DNAH9: variants seen among roughly 807,000 people sequenced by gnomAD.
DNAH9 encodes dynein axonemal heavy chain 9.
In DNAH9, 345 loss-of-function variants were observed where a neutral mutation model predicts 471.6. The observed-to-expected ratio is 0.73, with a 90% CI of 0.67 to 0.80. DNAH9 has a LOEUF of 0.80. DNAH9 is among the 30% of genes least tolerant of loss of function. DNAH9 has a pLI of 0.00. For missense variants in DNAH9, 5,407 were observed against 5,609.2 expected, an observed-to-expected ratio of 0.96 and a Z score of 1.15; for synonymous variants, 2,093 against 2,123.6, an observed-to-expected ratio of 0.99 and a Z score of 0.40.
In DNAH9 at chr17:11,784,278, C is replaced by T. The variant is rs768263453; in HGVS notation, c.7822-22C>T. On this transcript the variant is annotated intron_variant, in intron 40 of 68. Coordinates refer to ENST00000262442, the MANE Select transcript of DNAH9 (RefSeq NM_001372.4). Reference sequence around the variant, plus strand: ...ACTCCGTGGTAACGGATGTTGAGCTCATGCCTTTGTTTCCTGTACAGCGTC... The same window carrying T: ...ACTCCGTGGTAACGGATGTTGAGCTTATGCCTTTGTTTCCTGTACAGCGTC... The T allele has an allele frequency of 1.8e-5, 29 of 1,611,796 alleles. 1 individual carries two copies. The South Asian group carries it at 3.1e-4, about 17-fold the overall frequency.
intron 48 of DNAH9, among the ~76,000 whole-genome samples, chr17:11,827,755 G>A (rs756533306): frequency 1.3e-5 from 2 of 151,252 alleles, no homozygotes; most frequent in African/African-American, 2.4e-5. Context: ...GCACAATCTC[G>A]GCTCACCGCA....
At chr17:11,785,163 G>A (rs778008291) in intron 41 of DNAH9, among the ~76,000 whole-genome samples, 1 of 151,954 alleles carries the variant, frequency 6.6e-6, no homozygotes, top group Non-Finnish European at 1.5e-5. Context: ...TCTCCAGAGG[G>A]CCATCTAGCA....
intron 6 of DNAH9, chr17:11,619,987 G>A (rs1226344475): frequency 1.6e-5 from 9 of 558,218 alleles, no homozygotes; most frequent in East Asian, 3.0e-5. Context: ...AAGGTGGGTG[G>A]ATTGCTTGAG....
chr17:11,793,457 C>G, intron 41 of DNAH9, 46 bp from the exon 42 acceptor site: 10 of 1,575,562 alleles, frequency 6.3e-6, no homozygotes, highest in Non-Finnish European at 8.6e-6. Context: ...TATTGTACCT[C>G]TGGATGGTTA....
At chr17:11,731,414 AT>A (rs2075267674) in intron 28 of DNAH9, among the ~76,000 whole-genome samples, 1 of 149,426 alleles carries the variant, frequency 6.7e-6, no homozygotes, top group African/African-American at 2.5e-5. Flanking sequence ...TTTTTAAATT[AT>A]ACTTTAAGTT....
intron 42 of DNAH9, among the ~76,000 whole-genome samples, chr17:11,795,008 G>T (rs991398790): frequency 4.0e-5 from 6 of 151,898 alleles, no homozygotes; most frequent in African/African-American, 1.5e-4. Flanking sequence ...CACCAACATG[G>T]CACATGTATA....
intron 11 of DNAH9, 67 bp from the exon 12 acceptor site, chr17:11,647,005 A>G (rs1433024530): frequency 5.7e-6 from 9 of 1,567,382 alleles, no homozygotes; most frequent in Non-Finnish European, 7.9e-6. Context: ...TATGTTACAG[A>G]TCATGACCAG....
Position 11,719,504 on chromosome 17 carries a change from C to G in DNAH9, c.5709+14C>G. Reference sequence around the variant, plus strand: ...ATGGATTACAAGGTACAGTTCCACCCGGCTTCCTGGGGGTGGGGGTGGGGG... The same window carrying G: ...ATGGATTACAAGGTACAGTTCCACCGGGCTTCCTGGGGGTGGGGGTGGGGG... On this transcript the variant is annotated intron_variant, in intron 27 of 68. Coordinates refer to ENST00000262442, the MANE Select transcript of DNAH9 (RefSeq NM_001372.4). 1.3e-6 allele frequency: 2 copies of G among 1,572,984 alleles called. No individual in the cohort carries two copies. The highest frequency in any genetic ancestry group is 8.7e-7 in the Non-Finnish European group (1 of 1,149,842).
intron 38 of DNAH9, among the ~76,000 whole-genome samples, chr17:11,771,006 T>C (rs1033256752): frequency 1.3e-5 from 2 of 152,162 alleles, no homozygotes; most frequent in Admixed American, 6.5e-5. Context: ...ACAGATACAA[T>C]GGATGAAAAT....
chr17:11,752,781 G>A lies in DNAH9; in HGVS notation c.6611-52G>A, dbSNP rs972577091. ...TAAAGGGGGAAAGCTGTGTTTAAGT[G>A]AAAGAGGATTAATGAAGAAATGGAA... On this transcript the variant is annotated intron_variant, in intron 32 of 68. Transcript: ENST00000262442. 6 of 1,473,010 alleles carry A rather than the reference G, an allele frequency of 4.1e-6. No homozygotes were observed. The African/African-American group carries it at 5.6e-5, about 14-fold the overall frequency. 91.2% of individuals were successfully genotyped at this position (1,473,010 alleles called of 1,614,324 possible). A position where few individuals can be genotyped will look rare whatever the true frequency, so the allele number is the denominator to read the frequency against.
intron 17 of DNAH9, among the ~76,000 whole-genome samples, 192 bp downstream of exon 17, chr17:11,669,986 G>A (rs962153738): frequency 6.6e-6 from 1 of 152,106 alleles, no homozygotes; most frequent in Admixed American, 6.5e-5. Flanking sequence ...ACCAGATAAG[G>A]CCTCTTTGTT....
chr17:11,947,771 T>TA (rs570229363), intron 67 of DNAH9, among the ~76,000 whole-genome samples: 2,776 of 90,276 alleles, frequency 0.031, 380 homozygotes, highest in African/African-American at 0.086. Flanking sequence ...GGCTGGGAAC[T>TA]ATTTTTTTTT....
Position 11,793,559 on chromosome 17 carries a change from C to CTA in DNAH9, c.8120_8121dup (p.Leu2708IlefsTer14). The CTA allele has an allele frequency of 6.2e-7, 1 of 1,614,032 alleles. No homozygotes were observed. Among genetic ancestry groups the CTA allele is most frequent in the South Asian group, 1.1e-5 (1 of 91,058 alleles). On this transcript the variant is annotated frameshift_variant, in exon 42 of 69. Transcript: ENST00000262442. LOFTEE classifies it high-confidence loss of function. ...AATCCACATGGGATCTTATAAGGCT[C>CTA]TATCTGCATGAATCAAATCGAGTTT... is the stretch of plus-strand genomic sequence containing the variant.
chr17:11,898,583 C>T (rs1973298680), intron 59 of DNAH9, among the ~76,000 whole-genome samples: 2 of 152,172 alleles, frequency 1.3e-5, no homozygotes, highest in African/African-American at 2.4e-5. Flanking sequence ...AGACACAATT[C>T]ACCCCATAAC....
chr17:11,809,428 G>A (rs1384232198), intron 44 of DNAH9, among the ~76,000 whole-genome samples: 12 of 151,996 alleles, frequency 7.9e-5, no homozygotes, highest in East Asian at 1.9e-4. Flanking sequence ...TTAGCCGGGC[G>A]TTGTGGCACG....
rs1377098677 is a variant in DNAH9 at position 11,719,370 on chromosome 17, C to G, written c.5589C>G (p.Thr1863=). 1 of 1,613,964 alleles carries G rather than the reference C, an allele frequency of 6.2e-7. No individual in the cohort carries two copies. Among genetic ancestry groups the G allele is most frequent in the Admixed American group, 1.7e-5 (1 of 60,010 alleles). The change falls in exon 27 of 69, where the codon ACC becomes ACG. Residue 1863 remains threonine, a synonymous_variant. Transcript: ENST00000262442. ...YITLTQSLHL[T]MSGAPAGPAG... is the part of the protein sequence containing the mutation. ...CCCTCACCCAGTCCCTGCACCTGAC[C>G]ATGAGTGGGGCTCCCGCAGGACCTG... is the stretch of plus-strand genomic sequence containing the variant.
chr17:11,936,812 C>T (rs1040431417), intron 65 of DNAH9, among the ~76,000 whole-genome samples: 5 of 152,110 alleles, frequency 3.3e-5, no homozygotes, highest in Admixed American at 6.6e-5. Context: ...TCACCAGGGG[C>T]GCAAACTCTC....
At chr17:11,788,845 G>A (rs966861941) in intron 41 of DNAH9, among the ~76,000 whole-genome samples, 13 of 152,024 alleles carry the variant, frequency 8.6e-5, no homozygotes, top group African/African-American at 3.1e-4. Context: ...TTAATAGTTT[G>A]CCATTAAATA....
chr17:11,738,832 C>T (rs2075391874), intron 28 of DNAH9, 48 bp from the exon 29 acceptor site: 2 of 1,559,876 alleles, frequency 1.3e-6, no homozygotes, highest in Non-Finnish European at 1.8e-6. Context: ...ATGATCCCTC[C>T]ACTAAAAGGC....
Sources: gnomAD v4.1 joint callset for allele counts (sites outside exome capture counted in the v4.1 genomes callset) on GRCh38, gnomAD v4.1.1 for gene constraint, MANE v1.5 for transcripts, NCBI Gene and HGNC (gene_info 2026-07-23, HGNC 2026-07-21) for gene names.